RIN2: variants seen among roughly 807,000 people sequenced by gnomAD.
RIN2 encodes the protein RAB5 interacting protein 2.
A neutral mutation model predicts 78.0 loss-of-function variants in RIN2; 36 were observed. That is an observed-to-expected ratio of 0.46 (90% CI 0.35 to 0.61). RIN2 has a LOEUF of 0.61. Among genes scored for constraint, RIN2 ranks in the 20% least tolerant of loss-of-function variants. The probability of loss-of-function intolerance (pLI) is 0.00; values close to 1 mark genes in which losing one functional copy is unlikely to be tolerated. For missense variants in RIN2, 1,087 were observed against 1,159.7 expected, an observed-to-expected ratio of 0.94 and a Z score of 0.91; for synonymous variants, 466 against 466.8, an observed-to-expected ratio of 1.00 and a Z score of 0.02.
chr20:19,860,973 A>G (rs1352871991), intron 2 of RIN2, among the ~76,000 whole-genome samples: 1 of 152,206 alleles, frequency 6.6e-6, no homozygotes, highest in East Asian at 1.9e-4. Context: ...GCCAGGGCAA[A>G]GAACACCCTT....
chr20:19,828,592 C>T (rs928819318), intron 2 of RIN2, among the ~76,000 whole-genome samples: 4 of 152,174 alleles, frequency 2.6e-5, no homozygotes, highest in African/African-American at 9.7e-5. Flanking sequence ...CCATTCATCT[C>T]CATTATCTTC....
chr20:19,786,267 T>C (rs1344213317), intron 1 of RIN2, among the ~76,000 whole-genome samples: 1 of 152,164 alleles, frequency 6.6e-6, no homozygotes, highest in African/African-American at 2.4e-5. Context: ...AAGAAAAAGA[T>C]AGTGCAATTT....
At chr20:19,846,919 C>T (rs1049979994) in intron 2 of RIN2, among the ~76,000 whole-genome samples, 2 of 152,172 alleles carry the variant, frequency 1.3e-5, no homozygotes, top group African/African-American at 2.4e-5. Context: ...ATCCAGCCTA[C>T]CATAATTACC....
intron 2 of RIN2, among the ~76,000 whole-genome samples, chr20:19,875,519 T>G (rs1045238070): frequency 6.6e-6 from 1 of 152,286 alleles, no homozygotes. Flanking sequence ...TGCACACCTG[T>G]AGTCCCAAAG....
intron 2 of RIN2, among the ~76,000 whole-genome samples, chr20:19,860,465 A>G (rs2037299310): frequency 6.7e-6 from 1 of 148,948 alleles, no homozygotes; most frequent in African/African-American, 2.5e-5. Flanking sequence ...GATTACAGGC[A>G]CACACCACCA....
chr20:19,768,488 A>G (rs2033983872), intron 1 of RIN2, among the ~76,000 whole-genome samples: 1 of 152,234 alleles, frequency 6.6e-6, no homozygotes, highest in Admixed American at 6.5e-5. Flanking sequence ...AGCGAGTCCC[A>G]TAGAGAGCAT....
intron 9 of RIN2, among the ~76,000 whole-genome samples, chr20:19,987,461 G>A (rs953015938): frequency 9.9e-5 from 15 of 152,196 alleles, no homozygotes; most frequent in African/African-American, 3.4e-4. Flanking sequence ...TTGAAAAGCT[G>A]TATAAATGGT....
chr20:19,956,908 G>A, intron 5 of RIN2, 101 bp downstream of exon 5: 2 of 1,007,232 alleles, frequency 2.0e-6, no homozygotes, highest in South Asian at 1.7e-5. Context: ...TTCCTAGCTT[G>A]TAAGGAGCAT....
At chr20:19,773,107 C>T (rs1041990406) in intron 1 of RIN2, among the ~76,000 whole-genome samples, 29 of 152,166 alleles carry the variant, frequency 1.9e-4, no homozygotes, top group African/African-American at 6.8e-4. Flanking sequence ...TGTTCCAGGC[C>T]TCCCGGCTTC....
At chr20:19,918,590 T>C (rs966161070) in intron 3 of RIN2, among the ~76,000 whole-genome samples, 16 of 152,174 alleles carry the variant, frequency 1.1e-4, no homozygotes, top group African/African-American at 2.9e-4. Flanking sequence ...CAACCACTTT[T>C]TGACCTTCAA....
chr20:19,795,106 G>A (rs1261703419), intron 1 of RIN2, among the ~76,000 whole-genome samples: 4 of 152,144 alleles, frequency 2.6e-5, no homozygotes, highest in Admixed American at 6.5e-5. Flanking sequence ...GTACACATGC[G>A]GTGACACTGG....
intron 5 of RIN2, among the ~76,000 whole-genome samples, chr20:19,959,871 C>T (rs765772292): frequency 5.3e-5 from 8 of 152,122 alleles, no homozygotes; most frequent in East Asian, 1.9e-4. Flanking sequence ...GTGCAGTGCA[C>T]GGCCTACACA....
At chr20:19,883,337 C>CTTTT (rs35438191) in intron 2 of RIN2, among the ~76,000 whole-genome samples, 1 of 118,546 alleles carries the variant, frequency 8.4e-6, no homozygotes, top group African/African-American at 3.2e-5. Flanking sequence ...AAAGAGAGGA[C>CTTTT]TTTTTTTTTT....
At chr20:19,933,705 G>C (rs2040521779) in intron 3 of RIN2, among the ~76,000 whole-genome samples, 1 of 152,152 alleles carries the variant, frequency 6.6e-6, no homozygotes, top group Non-Finnish European at 1.5e-5. Context: ...CCAGAGTCTG[G>C]GTGGGATAAA....
chr20:19,796,143 C>T (rs1252135070), intron 1 of RIN2, among the ~76,000 whole-genome samples: 2 of 151,998 alleles, frequency 1.3e-5, no homozygotes, highest in Non-Finnish European at 1.5e-5. Flanking sequence ...CACACAGGCA[C>T]GTACACATCC....
At chr20:19,765,165 A>G (rs943547494) in intron 1 of RIN2, among the ~76,000 whole-genome samples, 4 of 151,664 alleles carry the variant, frequency 2.6e-5, no homozygotes, top group Non-Finnish European at 4.4e-5. Context: ...CTGCCCTTTT[A>G]TCTTCTCCCC....
intron 2 of RIN2, among the ~76,000 whole-genome samples, chr20:19,826,664 A>G (rs1046021532): frequency 2.0e-5 from 3 of 152,230 alleles, no homozygotes; most frequent in Non-Finnish European, 4.4e-5. Context: ...TAAGTCATCT[A>G]TTAGCTTAAC....
At chr20:19,825,485 A>G (rs148863056) in intron 2 of RIN2, among the ~76,000 whole-genome samples, 1 of 152,144 alleles carries the variant, frequency 6.6e-6, no homozygotes, top group East Asian at 1.9e-4. Flanking sequence ...TCTTAAACTA[A>G]ACTTTTCTAG....
At chr20:19,954,082 C>T (rs2041435732) in intron 4 of RIN2, among the ~76,000 whole-genome samples, 1 of 152,150 alleles carries the variant, frequency 6.6e-6, no homozygotes, top group Admixed American at 6.6e-5. Context: ...GGGTCTCTGG[C>T]CAGTCCACAT....
Sources: gnomAD v4.1 joint callset for allele counts (sites outside exome capture counted in the v4.1 genomes callset) on GRCh38, gnomAD v4.1.1 for gene constraint, MANE v1.5 for transcripts, NCBI Gene and HGNC (gene_info 2026-07-23, HGNC 2026-07-21) for gene names.